The following KLHL13 variants were observed in gnomAD, a reference collection of about 807,000 sequenced individuals.
The protein encoded by KLHL13 is kelch-like protein 13.
In KLHL13, 10 loss-of-function variants were observed where a neutral mutation model predicts 37.1. The ratio of observed to expected loss-of-function variants is 0.27; its 90% CI spans 0.17 to 0.46. The LOEUF (loss-of-function observed/expected upper bound fraction) is 0.46, where lower values mean the gene tolerates loss of function less well. Ranked by LOEUF, KLHL13 falls within the 20% of genes least tolerant of loss-of-function variation. The pLI is 1.00. For synonymous variants in KLHL13, 163 were observed against 181.2 expected, an observed-to-expected ratio of 0.90 and a Z score of 0.81; for missense variants, 360 against 509.3, an observed-to-expected ratio of 0.71 and a Z score of 2.82.
At chrX:117,949,271 A>T (rs1415924397) in intron 1 of KLHL13, among the ~76,000 whole-genome samples, 1 of 112,247 alleles carries the variant, frequency 8.9e-6, no homozygotes, top group African/African-American at 3.2e-5. Context: ...TTGTTCATCC[A>T]AATGGATTTT....
chrX:117,951,304 CTAAAA>C (rs1411772083), intron 1 of KLHL13, among the ~76,000 whole-genome samples: 2 of 111,891 alleles, frequency 1.8e-5, no homozygotes. Context: ...TGTCCCCCAA[CTAAAA>C]TGTCATTTAT....
At position 118,089,620 on chromosome X, in the gene KLHL13, G is replaced by GAAAGAA. The variant is rs773944967; in HGVS notation, c.-56+26887_-56+26888insTTCTTT. 9.2e-3 allele frequency among the ~76,000 whole-genome samples: 660 copies of GAAAGAA among 71,780 alleles called. 3 individuals are homozygous for GAAAGAA. The highest frequency in any genetic ancestry group is 0.014 in the African/African-American group (247 of 17,260). The allele number at this position is 71,780 out of a possible 115,157, so 62.3% of individuals were successfully genotyped here. On this transcript the variant is annotated intron_variant, in intron 1 of 6. Transcript: ENST00000371882. Reference sequence around the variant, plus strand: ...AGAGAGAGAGAGAGAGAGAAAGAAAGAGAAAGAAAGAAAGAAAGAAAGAAA... The same window carrying GAAAGAA: ...AGAGAGAGAGAGAGAGAGAAAGAAAGAAAGAAAGAAAGAAAGAAAGAAAGAAAGAAA...
At chrX:118,018,407 C>A (rs1334924812) in intron 1 of KLHL13, among the ~76,000 whole-genome samples, 1 of 111,705 alleles carries the variant, frequency 9.0e-6, no homozygotes, top group Non-Finnish European at 1.9e-5. Context: ...TTTGTTGCAT[C>A]ATAAACAGAA....
At chrX:118,043,709 C>A (rs1362769205) in intron 1 of KLHL13, among the ~76,000 whole-genome samples, 3 of 111,264 alleles carry the variant, frequency 2.7e-5, no homozygotes, top group Non-Finnish European at 5.7e-5. Context: ...AAAAAGAAAA[C>A]CCTCAAAAAC....
intron 1 of KLHL13, among the ~76,000 whole-genome samples, chrX:118,019,756 T>A (rs1015231783): frequency 1.9e-5 from 2 of 107,732 alleles, no homozygotes; most frequent in Admixed American, 9.8e-5. Flanking sequence ...GGGAATCCTT[T>A]CCCCATTGCT....
In KLHL13 at chrX:118,110,817, G is replaced by A. The variant is rs142260226; in HGVS notation, c.-56+5691C>T. 6.9e-3 allele frequency among the ~76,000 whole-genome samples: 773 copies of A among 111,378 alleles called. 8 individuals are homozygous for A. The highest frequency in any genetic ancestry group is 0.022 in the African/African-American group (664 of 30,650). ...CCCCACCCCCACAAAAGACTCTCTT[G>A]TGCTAAAGAAGCATAGGTTGGTTTA... On this transcript the variant is annotated intron_variant, in intron 1 of 6. Coordinates refer to the KLHL13 transcript ENST00000371882.
intron 1 of KLHL13, among the ~76,000 whole-genome samples, chrX:118,057,202 G>T (rs2054694091): frequency 8.9e-6 from 1 of 111,936 alleles, no homozygotes; most frequent in South Asian, 3.7e-4. Context: ...CGTGTCTATG[G>T]TTAACTATTT....
At chrX:118,048,454 A>G (rs1237898675) in intron 1 of KLHL13, among the ~76,000 whole-genome samples, 1 of 111,551 alleles carries the variant, frequency 9.0e-6, no homozygotes, top group Non-Finnish European at 1.9e-5. Flanking sequence ...AGGATACTCT[A>G]GGAGCTTCAC....
chrX:118,064,694 T>C (rs2054777815), intron 1 of KLHL13, among the ~76,000 whole-genome samples: 1 of 111,677 alleles, frequency 9.0e-6, no homozygotes, highest in African/African-American at 3.2e-5. Flanking sequence ...TAAATATACT[T>C]TCATACCCCC....
At chrX:118,031,173 T>C (rs1179701530) in intron 1 of KLHL13, among the ~76,000 whole-genome samples, 1 of 110,016 alleles carries the variant, frequency 9.1e-6, no homozygotes, top group South Asian at 3.8e-4. Flanking sequence ...AGGAGTTTTA[T>C]GGGAAGAATT....
intron 1 of KLHL13, among the ~76,000 whole-genome samples, chrX:118,007,852 A>T (rs1451653101): frequency 1.8e-5 from 2 of 111,878 alleles, no homozygotes; most frequent in Non-Finnish European, 3.8e-5. Context: ...CATAGCTATT[A>T]ATAAGTCCCA....
intron 1 of KLHL13, among the ~76,000 whole-genome samples, chrX:117,961,354 A>C (rs1433307205): frequency 1.8e-5 from 2 of 112,108 alleles, no homozygotes; most frequent in Non-Finnish European, 3.8e-5. Flanking sequence ...GGAATGCAAA[A>C]TTTGTAGAAC....
chrX:117,944,399 A>T (rs6646008), intron 2 of KLHL13, among the ~76,000 whole-genome samples: 10,255 of 111,266 alleles, frequency 0.092, 442 homozygotes, highest in African/African-American at 0.16. Flanking sequence ...ACTGAATTCA[A>T]AGATTGAAAC....
At chrX:117,960,240 ATAAAT>A (rs2053271471) in intron 1 of KLHL13, among the ~76,000 whole-genome samples, 1 of 110,567 alleles carries the variant, frequency 9.0e-6, no homozygotes, top group African/African-American at 3.3e-5. Flanking sequence ...AGTAAAAATA[ATAAAT>A]TAAAATACCA....
intron 1 of KLHL13, among the ~76,000 whole-genome samples, chrX:118,025,859 A>C (rs757527037): frequency 3.6e-5 from 4 of 112,336 alleles, no homozygotes; most frequent in Non-Finnish European, 7.5e-5. Flanking sequence ...GTCACACTCA[A>C]ACTGCAAAAG....
intron 1 of KLHL13, among the ~76,000 whole-genome samples, chrX:118,037,679 G>T (rs2054465054): frequency 9.0e-6 from 1 of 111,126 alleles, no homozygotes; most frequent in African/African-American, 3.3e-5. Flanking sequence ...CACCAGCATG[G>T]CACATGTATA....
rs1040806587 is a variant in KLHL13, at chrX:117,914,332, C to A, written c.571-4236G>T. ...GATCAATTAGTTGTAAACACCACTG[C>A]ACTCGGACCAGCCAGTATCTGCTTT... On this transcript the variant is annotated intron_variant, in intron 4 of 6. Transcript: ENST00000262820. 2.7e-5 allele frequency: 3 copies of A among 109,707 alleles called. No homozygotes were observed. The East Asian group carries it at 8.6e-4, about 31-fold the overall frequency. 9.0% of individuals were successfully genotyped at this position (109,707 alleles called of 1,213,427 possible). A position where few individuals can be genotyped will look rare whatever the true frequency, so the allele number is the denominator to read the frequency against.
chrX:117,939,828 A>T (rs1440728680), intron 2 of KLHL13, among the ~76,000 whole-genome samples: 1 of 111,535 alleles, frequency 9.0e-6, no homozygotes, highest in African/African-American at 3.3e-5. Flanking sequence ...TTCTTTGTAG[A>T]TTCTGGATAT....
chrX:117,912,856 C>A (rs184070805), intron 4 of KLHL13, among the ~76,000 whole-genome samples: 1 of 111,287 alleles, frequency 9.0e-6, no homozygotes, highest in East Asian at 2.8e-4. Context: ...TGTGAGTATA[C>A]AACAAAGGCT....
Sources: allele counts gnomAD v4.1 joint callset (sites outside exome capture counted in the v4.1 genomes callset), GRCh38; gene constraint gnomAD v4.1.1; transcripts MANE v1.5; gene names NCBI Gene and HGNC (gene_info 2026-07-23, HGNC 2026-07-21).